NID2: variants seen among roughly 807,000 people sequenced by gnomAD.
NID2 encodes nidogen 2.
A neutral mutation model predicts 145.4 loss-of-function variants in NID2; 83 were observed. The ratio of observed to expected loss-of-function variants is 0.57; its 90% CI spans 0.48 to 0.69. NID2 has a LOEUF of 0.69. Among genes scored for constraint, NID2 ranks in the 30% least tolerant of loss-of-function variants. The pLI is 0.00. For missense variants in NID2, 1,807 were observed against 1,765.7 expected (o/e 1.02, Z -0.42); for synonymous variants, 739 against 701.3 (o/e 1.05, Z -0.85).
rs368051940 is a variant in NID2 at position 52,045,338 on chromosome 14, G to C, written c.1430-2407C>G. 1.7e-4 allele frequency among the ~76,000 whole-genome samples: 26 copies of C among 152,276 alleles called. 1 individual carries two copies. In the South Asian group the frequency reaches 5.2e-3, roughly 30 times the overall value. On this transcript the variant is annotated intron_variant, in intron 5 of 21. Transcript: ENST00000216286. The stretch of plus-strand genomic sequence containing the variant: ...GATCCTTGGGAAAGCAGCAAGCTGA[G>C]GGTTGGCAGGACAGACAGTGTAGGT...
chr14:52,011,244 C>G (rs1351354035), intron 17 of NID2, among the ~76,000 whole-genome samples, 197 bp from the exon 18 acceptor site: 1 of 152,176 alleles, frequency 6.6e-6, no homozygotes, highest in Non-Finnish European at 1.5e-5. Context: ...TCTAGACCAG[C>G]AGACCTACCA....
intron 9 of NID2, among the ~76,000 whole-genome samples, chr14:52,031,060 A>C (rs1891849365): frequency 6.6e-6 from 1 of 152,188 alleles, no homozygotes; most frequent in Admixed American, 6.5e-5. Context: ...AGCTGGAATA[A>C]AAGTCTAGCA....
chr14:52,049,575 CAA>C lies in NID2; in HGVS notation c.1429+4002_1429+4003del, dbSNP rs11316906. ...CTACTAACAATTTTTACTGCTACCTCAAAAAAAAAAAAAGTCATTTTCACCGC... is the reference window on the plus strand; with the variant it reads ...CTACTAACAATTTTTACTGCTACCTCAAAAAAAAAAAGTCATTTTCACCGC... On this transcript the variant is annotated intron_variant, in intron 5 of 21. Coordinates refer to ENST00000216286, the MANE Select transcript of NID2 (RefSeq NM_007361.4). Among the ~76,000 whole-genome samples, 147 of 149,080 alleles carry C rather than the reference CAA, an allele frequency of 9.9e-4. 1 individual carries two copies. The highest frequency in any genetic ancestry group is 2.6e-3 in the South Asian group (12 of 4,694).
In NID2 at chr14:52,060,411, A is replaced by T. The variant is rs1892991031; in HGVS notation, c.535-55T>A. ...GAGAGAGAGAGAAACATCCTGTAAA[A>T]AACAAATAAAAGAAGAAAGAAACAG... is the stretch of plus-strand genomic sequence containing the variant. On this transcript the variant is annotated intron_variant, in intron 2 of 21. Coordinates refer to ENST00000216286, the MANE Select transcript of NID2 (RefSeq NM_007361.4). 3 of 985,608 alleles carry T rather than the reference A, an allele frequency of 3.0e-6. No homozygotes were observed. The South Asian group carries it at 8.0e-5, about 26-fold the overall frequency. The allele number at this position is 985,608 out of a possible 1,614,324, so 61.1% of individuals were successfully genotyped here.
chr14:52,020,403 G>A (rs1595012225), intron 12 of NID2: 7 of 529,766 alleles, frequency 1.3e-5, no homozygotes, highest in South Asian at 4.8e-5. Context: ...TAGACTAAAC[G>A]TGTTCAGTGT....
At chr14:52,020,993 C>T (rs1319877633) in intron 12 of NID2, among the ~76,000 whole-genome samples, 1 of 151,654 alleles carries the variant, frequency 6.6e-6, no homozygotes. Context: ...CCGACAATAG[C>T]AAGTCACCCA....
chr14:52,014,778 C>T (rs942310467), intron 15 of NID2, among the ~76,000 whole-genome samples: 4 of 151,654 alleles, frequency 2.6e-5, no homozygotes, highest in South Asian at 2.1e-4. Flanking sequence ...CAGAGTGACA[C>T]GTGTCCCCTG....
In NID2 at chr14:52,006,548, T is replaced by C. The variant is rs1377329051; in HGVS notation, c.3993A>G (p.Thr1331=). ...TTTGTGGGGCTCACCTCCTCCAGTC[T>C]GTGTGGTAGAAGTGATCTGCATAGC... ...IVSYADHFYH[T]DWRRDGVVSV... is the part of the protein sequence containing the mutation. The change falls in exon 20 of 22, where the codon ACA becomes ACG. Residue 1331 remains threonine, a synonymous_variant. Coordinates refer to ENST00000216286, the MANE Select transcript of NID2 (RefSeq NM_007361.4). 1.2e-6 allele frequency: 2 copies of C among 1,613,722 alleles called. No homozygotes were observed. Among genetic ancestry groups the C allele is most frequent in the Non-Finnish European group, 1.7e-6 (2 of 1,179,654 alleles).
intron 9 of NID2, among the ~76,000 whole-genome samples, chr14:52,034,199 C>T (rs1595029106): frequency 6.6e-6 from 1 of 152,154 alleles, no homozygotes; most frequent in Admixed American, 6.5e-5. Context: ...AGTTTGCTTT[C>T]TCTGATCCTT....
At position 52,042,855 on chromosome 14, in the gene NID2, C is replaced by T. The variant is rs145823627; in HGVS notation, c.1506G>A (p.Thr502=). The T allele has an allele frequency of 1.9e-5, 31 of 1,614,020 alleles. No individual in the cohort carries two copies. The highest frequency in any genetic ancestry group is 4.0e-5 in the African/African-American group (3 of 74,906). The change falls in exon 6 of 22, where the codon ACG becomes ACA. Residue 502 remains threonine, a synonymous_variant. Transcript: ENST00000216286. ...HRQCSRHAFC[T]DYATGFCCHC... is the part of the protein sequence containing the mutation. Reference sequence around the variant, plus strand: ...GGCAGCAGAAGCCAGTGGCATAGTCCGTGCAGAAGGCATGCCGGGAGCATT... The same window carrying T: ...GGCAGCAGAAGCCAGTGGCATAGTCTGTGCAGAAGGCATGCCGGGAGCATT...
intron 3 of NID2, among the ~76,000 whole-genome samples, chr14:52,059,516 G>C (rs1892958024): frequency 6.6e-6 from 1 of 152,196 alleles, no homozygotes; most frequent in Non-Finnish European, 1.5e-5. Flanking sequence ...AAATGCAGAA[G>C]AGCTTATTAT....
chr14:52,036,405 C>T (rs1055323588), intron 9 of NID2, among the ~76,000 whole-genome samples: 2 of 152,128 alleles, frequency 1.3e-5, no homozygotes, highest in South Asian at 4.1e-4. Context: ...TGGTGTCCAT[C>T]AACTGATGGG....
chr14:52,022,641 G>C (rs1398225992), intron 12 of NID2, among the ~76,000 whole-genome samples: 1 of 152,196 alleles, frequency 6.6e-6, no homozygotes, highest in Admixed American at 6.5e-5. Context: ...CAGGTAATGA[G>C]AGGTAGCTTA....
rs568194971 is a variant in NID2, at chr14:52,005,386, A to G, written c.*100T>C. 2.7e-5 allele frequency: 33 copies of G among 1,217,636 alleles called. No homozygotes were observed. In the Middle Eastern group the frequency reaches 2.5e-3, roughly 93 times the overall value. The allele number at this position is 1,217,636 out of a possible 1,614,324, so 75.4% of individuals were successfully genotyped here. A position where few individuals can be genotyped will look rare whatever the true frequency, so the allele number is the denominator to read the frequency against. On this transcript the variant is annotated 3_prime_UTR_variant, in exon 22 of 22. Transcript: ENST00000216286. ...CATCTTGGATGCTCAGGAACGTCTAATGGCCAATTCCTTTTTTACTTTCTT... is the reference window on the plus strand; with the variant it reads ...CATCTTGGATGCTCAGGAACGTCTAGTGGCCAATTCCTTTTTTACTTTCTT...
At chr14:52,005,924 C>T in intron 20 of NID2, 75 bp from the exon 21 acceptor site, 1 of 1,158,844 alleles carries the variant, frequency 8.6e-7, no homozygotes, top group Non-Finnish European at 1.3e-6. Context: ...CACAGAAAAT[C>T]AGTTGCAATA....
At chr14:52,038,499 G>C (rs1170322949) in intron 9 of NID2, among the ~76,000 whole-genome samples, 1 of 152,058 alleles carries the variant, frequency 6.6e-6, no homozygotes, top group Non-Finnish European at 1.5e-5. Flanking sequence ...CGCACAGTTG[G>C]GTATTGCTAT....
chr14:52,066,704 A>G (rs1403658997), intron 2 of NID2, among the ~76,000 whole-genome samples: 3 of 152,224 alleles, frequency 2.0e-5, no homozygotes, highest in African/African-American at 7.2e-5. Context: ...GGGGGCATGT[A>G]CCATCCTTCT....
At chr14:52,026,858 T>C (rs1193094927) in intron 12 of NID2, among the ~76,000 whole-genome samples, 1 of 152,200 alleles carries the variant, frequency 6.6e-6, no homozygotes, top group Non-Finnish European at 1.5e-5. Context: ...AGCACAACCA[T>C]AAGTGTTGAA....
At chr14:52,055,911 A>C (rs551336503) in intron 3 of NID2, among the ~76,000 whole-genome samples, 9 of 148,832 alleles carry the variant, frequency 6.0e-5, no homozygotes, top group African/African-American at 2.2e-4. Flanking sequence ...TTTTCAGTAC[A>C]ATTTGAAAAT....
Sources: allele counts gnomAD v4.1 joint callset (sites outside exome capture counted in the v4.1 genomes callset), GRCh38; gene constraint gnomAD v4.1.1; transcripts MANE v1.5; gene names NCBI Gene and HGNC (gene_info 2026-07-23, HGNC 2026-07-21).